ANXA11: variants seen among roughly 807,000 people sequenced by gnomAD.
ANXA11 encodes the protein annexin A11.
Under a neutral mutation model 64.7 loss-of-function variants are expected in ANXA11, and 57 were observed. The ratio of observed to expected loss-of-function variants is 0.88; its 90% CI spans 0.71 to 1.10. ANXA11 has a LOEUF of 1.10. ANXA11 is among the 50% of genes least tolerant of loss of function. ANXA11 has a pLI of 0.00. For synonymous variants in ANXA11, 260 were observed against 265.2 expected (o/e 0.98, Z 0.19); for missense variants, 675 against 670.7 (o/e 1.01, Z -0.07).
Position 80,157,961 on chromosome 10 carries a change from A to G in ANXA11, c.1335+6T>C, listed in dbSNP as rs371405651. 85 of 1,613,696 alleles carry G rather than the reference A, an allele frequency of 5.3e-5. No individual in the cohort carries two copies. Among genetic ancestry groups the G allele is most frequent in the Non-Finnish European group, 6.3e-5 (74 of 1,179,706 alleles). On this transcript the variant is annotated splice_donor_region_variant and intron_variant, in intron 14 of 15. Coordinates refer to ENST00000422982, the MANE Select transcript of ANXA11 (RefSeq NM_145868.2). ...CCATCGCAACCTGCACATGGAAGTTACATACCCTCATGGCCTTGTTGAGCC... is the reference window on the plus strand; with the variant it reads ...CCATCGCAACCTGCACATGGAAGTTGCATACCCTCATGGCCTTGTTGAGCC...
chr10:80,199,460 A>T (rs1052245234), intron 1 of ANXA11, among the ~76,000 whole-genome samples: 3 of 152,118 alleles, frequency 2.0e-5, no homozygotes, highest in Non-Finnish European at 2.9e-5. Context: ...AGACATACCA[A>T]ATAAATGCAA....
At chr10:80,176,639 G>A (rs561128294) in intron 1 of ANXA11, among the ~76,000 whole-genome samples, 19 of 152,336 alleles carry the variant, frequency 1.2e-4, no homozygotes, top group African/African-American at 4.1e-4. Context: ...AGTCCTGGCT[G>A]GTCTTCCAAG....
chr10:80,162,103 G>C, intron 11 of ANXA11, 75 bp from the exon 12 acceptor site: 2 of 1,281,548 alleles, frequency 1.6e-6, no homozygotes, highest in African/African-American at 1.5e-5. Context: ...AGGAGAGCCT[G>C]GTAAACTTCT....
intron 1 of ANXA11, among the ~76,000 whole-genome samples, chr10:80,186,826 C>A (rs776683472): frequency 1.3e-5 from 2 of 152,256 alleles, no homozygotes; most frequent in African/African-American, 2.4e-5. Context: ...CTCTCCGTCA[C>A]GCTCCTCCAT....
intron 1 of ANXA11, among the ~76,000 whole-genome samples, chr10:80,198,147 G>A (rs118126221): frequency 0.015 from 2,311 of 152,300 alleles, 25 homozygotes; most frequent in Non-Finnish European, 0.023. Context: ...CACTGCCTGC[G>A]GGCTTGCCAC....
intron 8 of ANXA11, among the ~76,000 whole-genome samples, chr10:80,164,361 C>T (rs1046152350): frequency 6.6e-6 from 1 of 152,132 alleles, no homozygotes; most frequent in Admixed American, 6.5e-5. Flanking sequence ...GAGTAGGGCT[C>T]ACACAAAGGG....
At chr10:80,168,328 G>T (rs998992174) in intron 5 of ANXA11, among the ~76,000 whole-genome samples, 2 of 152,034 alleles carry the variant, frequency 1.3e-5, no homozygotes, top group African/African-American at 4.8e-5. Flanking sequence ...AGGTGGCCTG[G>T]GCAGTTCTTA....
At chr10:80,203,315 C>T (rs1347426489) in intron 1 of ANXA11, among the ~76,000 whole-genome samples, 1 of 152,188 alleles carries the variant, frequency 6.6e-6, no homozygotes, top group Admixed American at 6.5e-5. Flanking sequence ...CATCACTAAT[C>T]GATCCTGGCC....
chr10:80,179,942 A>C (rs1194055294), intron 1 of ANXA11, among the ~76,000 whole-genome samples: 2 of 152,114 alleles, frequency 1.3e-5, no homozygotes, highest in Non-Finnish European at 2.9e-5. Flanking sequence ...CATCCCTATT[A>C]AAGTTGACAG....
chr10:80,183,156 C>T (rs1293886284), intron 1 of ANXA11, among the ~76,000 whole-genome samples: 1 of 152,222 alleles, frequency 6.6e-6, no homozygotes, highest in African/African-American at 2.4e-5. Context: ...TCCCAGGTCA[C>T]TGGGCAGGAG....
Position 80,159,142 on chromosome 10 carries a change from G to A in ANXA11, c.1234C>T (p.Arg412Trp), listed in dbSNP as rs375383859. Residue 412 changes from arginine (R) to tryptophan (W), a missense_variant, in exon 13 of 16, where the codon CGG (arginine) becomes TGG (tryptophan). Arg to Trp is a moderately radical substitution (Grantham distance 101). Coordinates refer to ENST00000422982, the MANE Select transcript of ANXA11 (RefSeq NM_145868.2). ...TCCTCCAGGTCCCCGGACATCTCCC[G>A]GCAGATGCTCTTCTCAATGTCCCGG... ...TGRDIEKSIC[R>W]EMSGDLEEGM... 8.1e-5 allele frequency: 130 copies of A among 1,613,928 alleles called. No homozygotes were observed. The highest frequency in any genetic ancestry group is 9.7e-5 in the Non-Finnish European group (115 of 1,180,026).
At chr10:80,203,639 C>T (rs898387917) in intron 1 of ANXA11, among the ~76,000 whole-genome samples, 3 of 152,082 alleles carry the variant, frequency 2.0e-5, no homozygotes, top group Non-Finnish European at 4.4e-5. Context: ...GACAGGGCAG[C>T]GATAAGCCAC....
At chr10:80,186,901 A>G (rs2132468410) in intron 1 of ANXA11, among the ~76,000 whole-genome samples, 1 of 152,344 alleles carries the variant, frequency 6.6e-6, no homozygotes, top group East Asian at 1.9e-4. Flanking sequence ...AGGCCTGCCC[A>G]CACCAAACAG....
Position 80,157,752 on chromosome 10 carries a change from T to C in ANXA11, c.1347A>G (p.Thr449=), listed in dbSNP as rs1845333281. ...RLNKAMRGAG[T]KDRTLIRIMV... The stretch of plus-strand genomic sequence containing the variant: ...TGATGCGAATCAGGGTCCGGTCCTT[T>C]GTTCCTGCCCCCTAAAGAGAGTCCA... The change falls in exon 15 of 16, where the codon ACA becomes ACG. Residue 449 remains threonine, a synonymous_variant. Transcript: ENST00000422982. 6.2e-7 allele frequency: 1 copy of C among 1,613,434 alleles called. No individual in the cohort carries two copies. The highest frequency in any genetic ancestry group is 1.3e-5 in the African/African-American group (1 of 74,860).
intron 1 of ANXA11, among the ~76,000 whole-genome samples, chr10:80,176,699 C>A (rs1846181361): frequency 6.6e-6 from 1 of 152,160 alleles, no homozygotes; most frequent in Non-Finnish European, 1.5e-5. Flanking sequence ...GCCTTGGTAA[C>A]CCTGGAGGGC....
intron 1 of ANXA11, among the ~76,000 whole-genome samples, chr10:80,193,057 T>G (rs990518563): frequency 7.2e-5 from 11 of 152,150 alleles, no homozygotes; most frequent in African/African-American, 2.7e-4. Flanking sequence ...GCAGCAGGCC[T>G]GCGGAGCAAC....
At chr10:80,175,029 A>G (rs1386225360) in intron 2 of ANXA11, among the ~76,000 whole-genome samples, 1 of 152,188 alleles carries the variant, frequency 6.6e-6, no homozygotes, top group East Asian at 1.9e-4. Flanking sequence ...GGCTCCCTGT[A>G]GTGTGGACCA....
chr10:80,190,029 T>C (rs1846702401), intron 1 of ANXA11, among the ~76,000 whole-genome samples: 1 of 152,236 alleles, frequency 6.6e-6, no homozygotes, highest in South Asian at 2.1e-4. Context: ...GAACAAATAC[T>C]TCTGATTCCA....
chr10:80,165,617 A>G (rs1038377196), intron 8 of ANXA11, among the ~76,000 whole-genome samples: 1 of 152,212 alleles, frequency 6.6e-6, no homozygotes, highest in Non-Finnish European at 1.5e-5. Context: ...GGAGAGACAG[A>G]GACCAGAGAG....
Sources: allele counts gnomAD v4.1 joint callset (sites outside exome capture counted in the v4.1 genomes callset), GRCh38; gene constraint gnomAD v4.1.1; transcripts MANE v1.5; gene names NCBI Gene and HGNC (gene_info 2026-07-23, HGNC 2026-07-21).